The following POLD3 variants were observed in gnomAD, a reference collection of about 807,000 sequenced individuals.
POLD3 encodes the protein DNA polymerase delta 3, accessory subunit.
POLD3 carries 19 observed loss-of-function variants against 58.2 expected under a neutral mutation model. That is an observed-to-expected ratio of 0.33 (90% CI 0.23 to 0.48). The LOEUF (loss-of-function observed/expected upper bound fraction) is 0.48, where lower values mean the gene tolerates loss of function less well. Among genes scored for constraint, POLD3 ranks in the 20% least tolerant of loss-of-function variants. POLD3 has a pLI of 0.99. For missense variants in POLD3, 504 were observed against 545.5 expected, an observed-to-expected ratio of 0.92 and a Z score of 0.76; for synonymous variants, 172 against 193.5, an observed-to-expected ratio of 0.89 and a Z score of 0.92.
At chr11:74,651,490 G>A (rs1039093017) in intron 4 of POLD3, among the ~76,000 whole-genome samples, 1 of 152,192 alleles carries the variant, frequency 6.6e-6, no homozygotes, top group African/African-American at 2.4e-5. Flanking sequence ...TTGAAAGAGA[G>A]AGACAACCAA....
chr11:74,612,139 C>T (rs1000295440), intron 4 of POLD3, among the ~76,000 whole-genome samples: 5 of 152,172 alleles, frequency 3.3e-5, no homozygotes, highest in Non-Finnish European at 7.4e-5. Context: ...ACGCCAGGGA[C>T]ACAAAAAATA....
chr11:74,648,457 G>A (rs1023684489), intron 4 of POLD3, among the ~76,000 whole-genome samples: 1 of 152,184 alleles, frequency 6.6e-6, no homozygotes, highest in Non-Finnish European at 1.5e-5. Flanking sequence ...GTGGTCCCAA[G>A]AAAGGGTTGC....
intron 2 of POLD3, among the ~76,000 whole-genome samples, chr11:74,597,794 G>A (rs1412412360): frequency 6.6e-6 from 1 of 152,198 alleles, no homozygotes; most frequent in Non-Finnish European, 1.5e-5. Flanking sequence ...CTTCAGTCGG[G>A]TGGCTGTGGT....
chr11:74,618,391 C>A, intron 5 of POLD3, 146 bp from the exon 6 acceptor site: 1 of 586,360 alleles, frequency 1.7e-6, no homozygotes, highest in Non-Finnish European at 3.0e-6. Context: ...CGATTCTAAA[C>A]AATATTAGAG....
intron 10 of POLD3, among the ~76,000 whole-genome samples, chr11:74,635,923 A>G (rs550012324): frequency 3.3e-4 from 50 of 152,248 alleles, no homozygotes; most frequent in African/African-American, 1.2e-3. Context: ...GCACTACCCA[A>G]CAATAGTTTA....
At position 74,659,690 on chromosome 11, in the gene POLD3, T is replaced by C. The variant is rs1197006699; in HGVS notation, c.370-9087T>C. Among the ~76,000 whole-genome samples the C allele has an allele frequency of 1.1e-4, 9 of 81,972 alleles. No homozygotes were observed. In the Admixed American group the frequency reaches 1.2e-3, roughly 11 times the overall value. The allele number at this position is 81,972 out of a possible 152,430, so 53.8% of individuals were successfully genotyped here. A position where few individuals can be genotyped will look rare whatever the true frequency, so the allele number is the denominator to read the frequency against. On this transcript the variant is annotated intron_variant, in intron 4 of 4. Transcript: ENST00000524752. ...GCACAGGCAAAATGCCACCAGTCTC[T>C]TTGCCAAAACATAACAAGAGTCACC...
chr11:74,667,470 C>T (rs2033285401), intron 4 of POLD3, among the ~76,000 whole-genome samples: 1 of 152,140 alleles, frequency 6.6e-6, no homozygotes. Context: ...GCGGAGCTTG[C>T]AGTGAGCCGA....
intron 5 of POLD3, among the ~76,000 whole-genome samples, chr11:74,614,272 TAAATC>T (rs1022087666): frequency 6.6e-6 from 1 of 152,186 alleles, no homozygotes; most frequent in Non-Finnish European, 1.5e-5. Context: ...GTATTGAAGA[TAAATC>T]AGAAGAGAAT....
intron 8 of POLD3, among the ~76,000 whole-genome samples, chr11:74,627,568 C>T (rs1028958324): frequency 3.3e-5 from 5 of 152,140 alleles, no homozygotes; most frequent in Admixed American, 2.0e-4. Context: ...TTTCACTCAC[C>T]GCTCACTCAC....
In POLD3 at chr11:74,625,469, G is replaced by T; in HGVS notation, c.795G>T (p.Gln265His). ...QAVKEEKIVEQPTVSVTEPKL... is the reference protein window; with the variant it reads ...QAVKEEKIVEHPTVSVTEPKL... The stretch of plus-strand genomic sequence containing the variant: ...TGAAAGAAGAAAAAATAGTGGAGCA[G>T]CCTACAGTGTCTGTCACGGAACCAA... The change falls in exon 8 of 12, where the codon CAG (glutamine) becomes CAT (histidine). Residue 265 changes from glutamine to histidine, a missense_variant. Transcript: ENST00000263681. 1 of 1,613,724 alleles carries T rather than the reference G, an allele frequency of 6.2e-7. No homozygotes were observed. Among genetic ancestry groups the T allele is most frequent in the Non-Finnish European group, 8.5e-7 (1 of 1,179,698 alleles).
At chr11:74,618,119 GAGGA>G (rs2032136232) in intron 5 of POLD3, among the ~76,000 whole-genome samples, 3 of 152,158 alleles carry the variant, frequency 2.0e-5, no homozygotes, top group Non-Finnish European at 4.4e-5. Context: ...AGCCCTATCA[GAGGA>G]AGGTCTTTAA....
At chr11:74,645,866 T>C (rs1016590485), downstream of POLD3, among the ~76,000 whole-genome samples, 1 of 152,054 alleles carries the variant, frequency 6.6e-6, no homozygotes, top group Non-Finnish European at 1.5e-5. Flanking sequence ...TTGCCCTCAG[T>C]CTTAACCACT....
chr11:74,650,931 A>G (rs964816904), intron 4 of POLD3, among the ~76,000 whole-genome samples: 4 of 152,236 alleles, frequency 2.6e-5, no homozygotes, highest in African/African-American at 9.6e-5. Context: ...AGGGAGCCTC[A>G]TAAATTATGG....
intron 7 of POLD3, among the ~76,000 whole-genome samples, chr11:74,621,133 T>TA (rs2032239747): frequency 1.3e-5 from 2 of 152,284 alleles, no homozygotes; most frequent in African/African-American, 4.8e-5. Context: ...CTACTTCTGT[T>TA]AAAACAGGTC....
chr11:74,660,771 A>T (rs1255527541), intron 4 of POLD3, among the ~76,000 whole-genome samples: 1 of 152,074 alleles, frequency 6.6e-6, no homozygotes, highest in African/African-American at 2.4e-5. Flanking sequence ...CATGATTGTA[A>T]GTTTCCTGAG....
At chr11:74,662,816 T>C (rs2033220619) in intron 4 of POLD3, among the ~76,000 whole-genome samples, 1 of 152,174 alleles carries the variant, frequency 6.6e-6, no homozygotes, top group African/African-American at 2.4e-5. Flanking sequence ...CAGAACACTT[T>C]AGCCCACAGT....
chr11:74,625,181 A>G (rs761144130), intron 7 of POLD3, among the ~76,000 whole-genome samples: 18 of 152,148 alleles, frequency 1.2e-4, no homozygotes, highest in Admixed American at 2.0e-4. Flanking sequence ...TGCTTTTACT[A>G]TCATTTAGCC....
chr11:74,600,179 C>T (rs900615559), intron 2 of POLD3, among the ~76,000 whole-genome samples: 6 of 152,042 alleles, frequency 3.9e-5, no homozygotes, highest in African/African-American at 9.7e-5. Context: ...CTCCTGACCT[C>T]GTGATCCGCC....
At chr11:74,637,157 T>C (rs2032772134) in intron 11 of POLD3, among the ~76,000 whole-genome samples, 1 of 152,146 alleles carries the variant, frequency 6.6e-6, no homozygotes, top group African/African-American at 2.4e-5. Flanking sequence ...GTTACTGATT[T>C]TTTTTTTTCC....
Sources: allele counts gnomAD v4.1 joint callset (sites outside exome capture counted in the v4.1 genomes callset), GRCh38; gene constraint gnomAD v4.1.1; transcripts MANE v1.5; gene names NCBI Gene and HGNC (gene_info 2026-07-23, HGNC 2026-07-21).